Variants in NPEPL1 observed in about 807,000 individuals in gnomAD.
NPEPL1 encodes the protein aminopeptidase like 1.
A neutral mutation model predicts 52.4 loss-of-function variants in NPEPL1; 45 were observed. The ratio of observed to expected loss-of-function variants is 0.86; its 90% CI spans 0.68 to 1.10. NPEPL1 has a LOEUF of 1.10. Among genes scored for constraint, NPEPL1 ranks in the 50% least tolerant of loss-of-function variants. The pLI, the probability that NPEPL1 is intolerant of heterozygous loss-of-function variation, is 0.00. For synonymous variants in NPEPL1, 360 were observed against 314.7 expected, an observed-to-expected ratio of 1.14 and a Z score of -1.52; for missense variants, 696 against 710.9, an observed-to-expected ratio of 0.98 and a Z score of 0.24.
intron 3 of NPEPL1, among the ~76,000 whole-genome samples, chr20:58,695,460 G>A (rs2084468356): frequency 1.3e-5 from 2 of 152,206 alleles, no homozygotes; most frequent in Admixed American, 6.5e-5. Flanking sequence ...CAGATCCTTG[G>A]ATGGGCCTGA....
chr20:58,714,519 C>T lies in NPEPL1; in HGVS notation c.1303-41C>T, dbSNP rs376933821. ...TGGGGCAGGGTGGAGAGGGCCCGGCCGGAGCAACCCACAGGCACTGTGTCC... is the reference window on the plus strand; with the variant it reads ...TGGGGCAGGGTGGAGAGGGCCCGGCTGGAGCAACCCACAGGCACTGTGTCC... On this transcript the variant is annotated intron_variant, in intron 10 of 11. Coordinates refer to ENST00000356091, the MANE Select transcript of NPEPL1 (RefSeq NM_024663.4). 5.1e-5 allele frequency: 74 copies of T among 1,459,522 alleles called. No individual in the cohort carries two copies. The African/African-American group carries it at 6.9e-4, about 14-fold the overall frequency. 90.4% of individuals were successfully genotyped at this position (1,459,522 alleles called of 1,614,324 possible). A position where few individuals can be genotyped will look rare whatever the true frequency, so the allele number is the denominator to read the frequency against.
intron 4 of NPEPL1, 79 bp downstream of exon 4, chr20:58,698,852 T>A: frequency 7.9e-7 from 1 of 1,264,268 alleles, no homozygotes; most frequent in Non-Finnish European, 1.1e-6. Context: ...AGAGGAAACC[T>A]GGGGCTGTCC....
Position 58,713,115 on chromosome 20 carries a change from C to T in NPEPL1, c.1002-305C>T. ...GGTGCCAGGCACAGTGTGCTGAAGG[C>T]CAGCCCAGCCGGTTCATGCCACCCA... On this transcript the variant is annotated intron_variant, in intron 8 of 11. Transcript: ENST00000356091. This position sits in a 1 kb window ranked among gnomAD's most constrained non-coding sequence, Gnocchi z 4.6. The T allele has an allele frequency of 2.6e-6, 1 of 389,124 alleles. No individual in the cohort carries two copies. The allele number at this position is 389,124 out of a possible 1,614,324, so 24.1% of individuals were successfully genotyped here.
At chr20:58,699,392 G>C in intron 5 of NPEPL1, 114 bp downstream of exon 5, 1 of 802,878 alleles carries the variant, frequency 1.2e-6, no homozygotes, top group Non-Finnish European at 1.9e-6. Flanking sequence ...CATCCTGCTT[G>C]TGACCTGAAA....
chr20:58,696,625 C>T (rs1183653583), intron 3 of NPEPL1, among the ~76,000 whole-genome samples: 1 of 152,242 alleles, frequency 6.6e-6, no homozygotes, highest in Non-Finnish European at 1.5e-5. Flanking sequence ...CCTTGAGGTG[C>T]TCTCCTGGGC....
chr20:58,693,977 T>C, intron 2 of NPEPL1, 55 bp downstream of exon 2: 3 of 1,489,028 alleles, frequency 2.0e-6, no homozygotes, highest in Non-Finnish European at 2.7e-6. Flanking sequence ...AGCGGTGAGC[T>C]CGGGCCTGGG....
Position 58,714,000 on chromosome 20 carries a change from G to C in NPEPL1, c.1209G>C (p.Lys403Asn). The C allele has an allele frequency of 6.6e-7, 1 of 1,525,862 alleles. No homozygotes were observed. The highest frequency in any genetic ancestry group is 8.8e-7 in the Non-Finnish European group (1 of 1,139,846). The allele number at this position is 1,525,862 out of a possible 1,614,324, so 94.5% of individuals were successfully genotyped here. The change falls in exon 10 of 12, where the codon AAG becomes AAC. Residue 403 changes from lysine (K) to asparagine (N), a missense_variant. Lys to Asn is a moderately conservative substitution (Grantham distance 94). Transcript: ENST00000356091. This position sits in a 1 kb window ranked among gnomAD's most constrained non-coding sequence, Gnocchi z 4.6. ...CCGCCTGTGTGAAGGCGGGCAGGAA[G>C]TGTGGGGACCTGGTGCACCCGCTGG... The part of the protein sequence containing the change: ...WEAACVKAGR[K>N]CGDLVHPLVY...
chr20:58,706,095 T>C (rs1205956101), intron 6 of NPEPL1, among the ~76,000 whole-genome samples: 2 of 152,242 alleles, frequency 1.3e-5, no homozygotes. Flanking sequence ...CTTGTGAATT[T>C]GATTTGGGAA....
intron 6 of NPEPL1, chr20:58,705,440 T>C (rs1399980406): frequency 6.6e-6 from 3 of 455,810 alleles, no homozygotes; most frequent in Non-Finnish European, 8.8e-6. Flanking sequence ...TAAAAATTAA[T>C]TTTACTGCTT....
chr20:58,691,404 GT>G, upstream of NPEPL1: 2 of 352,620 alleles, frequency 5.7e-6, no homozygotes, highest in Non-Finnish European at 1.0e-5. Flanking sequence ...TTTTTTTTGA[GT>G]GCCTGCTCTG....
chr20:58,698,885 C>T (rs2084550099), intron 4 of NPEPL1, 112 bp downstream of exon 4: 11 of 902,808 alleles, frequency 1.2e-5, no homozygotes, highest in Non-Finnish European at 1.9e-5. Context: ...GGCCAGGGAA[C>T]CTCAGGGCTG....
chr20:58,698,828 C>A (rs2084547839), intron 4 of NPEPL1, 55 bp downstream of exon 4: 2 of 1,502,488 alleles, frequency 1.3e-6, no homozygotes, highest in African/African-American at 1.4e-5. Flanking sequence ...GTGTCATAGA[C>A]TCCCAGGAGA....
Position 58,701,052 on chromosome 20 carries a change from C to A in NPEPL1, c.716C>A (p.Pro239Gln). The A allele has an allele frequency of 6.3e-7, 1 of 1,596,156 alleles. No individual in the cohort carries two copies. Among genetic ancestry groups the A allele is most frequent in the Admixed American group, 1.7e-5 (1 of 58,002 alleles). ...GTTGGCAAAGCCGCCCTGCATCCCC[C>A]AGCCCTGGCCGTCCTCAGCCACACC... is the stretch of plus-strand genomic sequence containing the variant. Reference protein sequence around the residue: ...YGVGKAALHPPALAVLSHTPD... With the variant: ...YGVGKAALHPQALAVLSHTPD... Residue 239 changes from proline (P) to glutamine (Q), a missense_variant, in exon 6 of 12, where the codon CCA becomes CAA. Coordinates refer to ENST00000356091, the MANE Select transcript of NPEPL1 (RefSeq NM_024663.4).
rs751399608 is a variant in NPEPL1 at position 58,707,161 on chromosome 20, T to C, written c.861T>C (p.Ala287=). Residue 287 remains alanine, a synonymous_variant, in exon 7 of 12, where the codon GCT becomes GCC. Transcript: ENST00000356091. ...GGATGAAGCGAGACTGCGGGGGTGC[T>C]GCGGCCGTCCTGGGGGCCTTCAGAG... The part of the protein sequence containing the change: ...MPGMKRDCGG[A]AAVLGAFRAA... The C allele has an allele frequency of 1.5e-4, 240 of 1,552,418 alleles. No homozygotes were observed. Among genetic ancestry groups the C allele is most frequent in the Non-Finnish European group, 2.1e-4 (238 of 1,147,790 alleles).
intron 7 of NPEPL1, among the ~76,000 whole-genome samples, chr20:58,709,278 C>G (rs2084791970): frequency 6.6e-6 from 1 of 151,986 alleles, no homozygotes; most frequent in African/African-American, 2.4e-5. Flanking sequence ...TTGTTGGCCT[C>G]TTAGAAAGGA....
intron 5 of NPEPL1, 76 bp from the exon 6 acceptor site, chr20:58,700,940 A>C: frequency 7.5e-7 from 1 of 1,333,964 alleles, no homozygotes; most frequent in Non-Finnish European, 9.7e-7. Context: ...AGCCGGCCAG[A>C]GTTTCCAGGG....
intron 8 of NPEPL1, 123 bp downstream of exon 8, chr20:58,712,702 C>CA: frequency 1.3e-6 from 1 of 759,406 alleles, no homozygotes; most frequent in Non-Finnish European, 2.3e-6. Flanking sequence ...CCCTGGGCAG[C>CA]AGGCTCCTTG....
chr20:58,697,885 CCT>C (rs1470636806), intron 3 of NPEPL1, among the ~76,000 whole-genome samples: 1 of 152,238 alleles, frequency 6.6e-6, no homozygotes, highest in African/African-American at 2.4e-5. Flanking sequence ...TGCATGTGCC[CCT>C]CTCTGCCCTG....
chr20:58,699,434 A>C (rs2084565118), intron 5 of NPEPL1, among the ~76,000 whole-genome samples, 156 bp downstream of exon 5: 1 of 152,084 alleles, frequency 6.6e-6, no homozygotes, highest in Non-Finnish European at 1.5e-5. Flanking sequence ...CCAGTGCCGG[A>C]CCCTGGGAAG....
Sources: allele counts gnomAD v4.1 joint callset (sites outside exome capture counted in the v4.1 genomes callset), GRCh38; gene constraint gnomAD v4.1.1; non-coding constraint Gnocchi (gnomAD v3.1); transcripts MANE v1.5; gene names NCBI Gene and HGNC (gene_info 2026-07-23, HGNC 2026-07-21).